The following UGGT2 variants were observed in gnomAD, a reference collection of about 807,000 sequenced individuals.
UGGT2 encodes UDP-glucose glycoprotein glucosyltransferase 2, also known as UDP-glucose:glycoprotein glucosyltransferase 2.
A neutral mutation model predicts 192.1 loss-of-function variants in UGGT2; 180 were observed. The observed-to-expected ratio is 0.94, with a 90% CI of 0.83 to 1.06. The LOEUF is 1.06. Ranked by LOEUF, UGGT2 falls within the 50% of genes least tolerant of loss-of-function variation. The pLI is 0.00. For synonymous variants in UGGT2, 580 were observed against 591.0 expected, an observed-to-expected ratio of 0.98 and a Z score of 0.27; for missense variants, 1,849 against 1,795.7, an observed-to-expected ratio of 1.03 and a Z score of -0.54.
intron 38 of UGGT2, among the ~76,000 whole-genome samples, chr13:95,811,586 T>C (rs1292506026): frequency 1.3e-5 from 2 of 152,204 alleles, no homozygotes; most frequent in African/African-American, 4.8e-5. Flanking sequence ...CATTGAACTA[T>C]ACACTTTGAA....
chr13:95,852,827 GGATGAAGGGAGTTTGTCTTAAA>G (rs1889185316), intron 36 of UGGT2, among the ~76,000 whole-genome samples: 1 of 152,150 alleles, frequency 6.6e-6, no homozygotes, highest in Non-Finnish European at 1.5e-5. Flanking sequence ...GGGGTGCACT[GGATGAAGGGAGTTTGTCTTAAA>G]GATGAGAGAG....
chr13:95,963,659 T>G (rs954260750), intron 12 of UGGT2, among the ~76,000 whole-genome samples: 1 of 152,086 alleles, frequency 6.6e-6, no homozygotes, highest in Non-Finnish European at 1.5e-5. Flanking sequence ...CACCAGAAAA[T>G]TCTTAGAACT....
At chr13:95,885,865 G>C (rs558106926) in intron 26 of UGGT2, among the ~76,000 whole-genome samples, 1 of 152,268 alleles carries the variant, frequency 6.6e-6, no homozygotes, top group South Asian at 2.1e-4. Context: ...AGAAACTGCA[G>C]TGGAAGGTAC....
intron 20 of UGGT2, among the ~76,000 whole-genome samples, chr13:95,905,674 G>T (rs1027813166): frequency 6.6e-6 from 1 of 152,116 alleles, no homozygotes; most frequent in African/African-American, 2.4e-5. Flanking sequence ...TTTGGTACCA[G>T]TACCATGCTG....
intron 12 of UGGT2, among the ~76,000 whole-genome samples, chr13:95,962,396 C>G (rs1276804761): frequency 1.3e-5 from 2 of 151,922 alleles, no homozygotes; most frequent in South Asian, 4.2e-4. Flanking sequence ...CAAAAAAGAT[C>G]ATCAGAGACT....
At chr13:95,880,338 C>A (rs1158786934) in intron 27 of UGGT2, among the ~76,000 whole-genome samples, 1 of 152,178 alleles carries the variant, frequency 6.6e-6, no homozygotes, top group African/African-American at 2.4e-5. Flanking sequence ...ATATCTTGAT[C>A]TGTAATCTAA....
At position 95,946,910 on chromosome 13, in the gene UGGT2, GAC is replaced by G. The variant is rs1222333548; in HGVS notation, c.1677+125_1677+126del. On this transcript the variant is annotated intron_variant, in intron 15 of 38. Transcript: ENST00000376747. ...ATTCATCATCTGTATTAATCTCCATGACAGTTTATAAACTTTGAAATGTTACA... is the reference window on the plus strand; with the variant it reads ...ATTCATCATCTGTATTAATCTCCATGAGTTTATAAACTTTGAAATGTTACA... 9.9e-6 allele frequency: 10 copies of G among 1,012,820 alleles called. No individual in the cohort carries two copies. In the African/African-American group the frequency reaches 1.5e-4, roughly 15 times the overall value. The allele number at this position is 1,012,820 out of a possible 1,614,324, so 62.7% of individuals were successfully genotyped here. A position where few individuals can be genotyped will look rare whatever the true frequency, so the allele number is the denominator to read the frequency against.
At chr13:95,908,420 G>A (rs964840219) in intron 20 of UGGT2, among the ~76,000 whole-genome samples, 1 of 152,120 alleles carries the variant, frequency 6.6e-6, no homozygotes, top group Non-Finnish European at 1.5e-5. Context: ...TACTCCTCAA[G>A]AAGAACAACC....
At chr13:95,809,985 A>C (rs1178956471) in intron 38 of UGGT2, among the ~76,000 whole-genome samples, 2 of 152,226 alleles carry the variant, frequency 1.3e-5, no homozygotes, top group Non-Finnish European at 2.9e-5. Context: ...AGAATTATAA[A>C]GTTTTGGTGC....
intron 7 of UGGT2, chr13:95,991,586 GATC>G (rs1379970387): frequency 1.8e-5 from 4 of 216,402 alleles, no homozygotes; most frequent in African/African-American, 9.2e-5. Context: ...TACAATGTGG[GATC>G]ATGTTTTGAA....
At chr13:95,838,563 T>A (rs1254275929) in intron 36 of UGGT2, among the ~76,000 whole-genome samples, 2 of 152,012 alleles carry the variant, frequency 1.3e-5, no homozygotes, top group Admixed American at 6.6e-5. Flanking sequence ...GTTACAGTAA[T>A]CAAAACAGTG....
intron 10 of UGGT2, among the ~76,000 whole-genome samples, chr13:95,974,039 A>G (rs561892504): frequency 6.6e-6 from 1 of 152,350 alleles, no homozygotes; most frequent in South Asian, 2.1e-4. Flanking sequence ...GTAAAGGCAG[A>G]GGAAGCAACT....
chr13:95,975,329 C>G (rs1250641328), intron 10 of UGGT2, among the ~76,000 whole-genome samples: 2 of 152,068 alleles, frequency 1.3e-5, no homozygotes, highest in Non-Finnish European at 2.9e-5. Flanking sequence ...TAAAGTGCTA[C>G]ACTTATGGTG....
intron 31 of UGGT2, among the ~76,000 whole-genome samples, chr13:95,863,008 A>G (rs564628030): frequency 6.6e-6 from 1 of 152,204 alleles, no homozygotes; most frequent in African/African-American, 2.4e-5. Context: ...AACTACAGAT[A>G]CATGCCATCA....
intron 37 of UGGT2, among the ~76,000 whole-genome samples, chr13:95,836,368 A>G (rs1462275731): frequency 6.6e-6 from 1 of 152,128 alleles, no homozygotes; most frequent in Non-Finnish European, 1.5e-5. Context: ...CTTTTTTTCA[A>G]AAGTCCTTTT....
intron 4 of UGGT2, among the ~76,000 whole-genome samples, chr13:96,017,204 C>G (rs987480135): frequency 5.3e-5 from 8 of 152,098 alleles, no homozygotes; most frequent in African/African-American, 1.9e-4. Flanking sequence ...GGACATTGGA[C>G]TTGATGTTGG....
At chr13:95,808,921 C>A (rs946049701) in intron 38 of UGGT2, among the ~76,000 whole-genome samples, 1 of 152,142 alleles carries the variant, frequency 6.6e-6, no homozygotes. Flanking sequence ...AACAAGGGAA[C>A]AGAAGTAATT....
intron 38 of UGGT2, among the ~76,000 whole-genome samples, chr13:95,830,326 C>T (rs9590337): frequency 0.065 from 9,823 of 152,162 alleles, 700 homozygotes; most frequent in African/African-American, 0.17. Flanking sequence ...AAGAAACTAT[C>T]GTCAGAGTGA....
chr13:95,896,101 AT>A (rs764576073), intron 22 of UGGT2, among the ~76,000 whole-genome samples: 2 of 152,214 alleles, frequency 1.3e-5, no homozygotes, highest in East Asian at 3.9e-4. Context: ...ACATAATCCT[AT>A]GTACAAAACA....
Sources: allele counts gnomAD v4.1 joint callset (sites outside exome capture counted in the v4.1 genomes callset), GRCh38; gene constraint gnomAD v4.1.1; transcripts MANE v1.5; gene names NCBI Gene and HGNC (gene_info 2026-07-23, HGNC 2026-07-21).